Variants in CATSPERT observed in about 807,000 individuals in gnomAD.
The protein encoded by CATSPERT is catsper channel auxiliary subunit tau, also known as cation channel sperm-associated targeting subunit tau.
At chr2:201,574,120 C>T in the CATSPERT span, 5 of 910,350 alleles carry the variant, frequency 5.5e-6, no homozygotes, top group Non-Finnish European at 7.9e-6. Context: ...TTATTTTAAA[C>T]AATTGTTCAA....
the CATSPERT span, among the ~76,000 whole-genome samples, chr2:201,567,675 G>T: frequency 6.6e-6 from 1 of 152,234 alleles, no homozygotes; most frequent in Non-Finnish European, 1.5e-5. Flanking sequence ...TCTTACCCCA[G>T]GGTGAGTCAA....
chr2:201,565,705 A>ACTT, the CATSPERT span: 1 of 1,344,888 alleles, frequency 7.4e-7, no homozygotes. Context: ...GCTCTTTTGA[A>ACTT]TTTTTTTTTT....
the CATSPERT span, chr2:201,565,726 T>TTTC: frequency 6.7e-7 from 1 of 1,491,426 alleles, no homozygotes. Context: ...TTTTTTTTTT[T>TTTC]ACCTTTCCCG....
At chr2:201,565,705 A>AATTT in the CATSPERT span, 1 of 1,344,888 alleles carries the variant, frequency 7.4e-7, no homozygotes, top group Non-Finnish European at 9.7e-7. Context: ...GCTCTTTTGA[A>AATTT]TTTTTTTTTT....
the CATSPERT span, among the ~76,000 whole-genome samples, chr2:201,508,528 G>A: frequency 6.6e-6 from 1 of 152,146 alleles, no homozygotes; most frequent in Non-Finnish European, 1.5e-5. Context: ...CAGTTCAATA[G>A]TGTTAAGTAT....
chr2:201,511,865 A>AC, the CATSPERT span: 9 of 147,128 alleles, frequency 6.1e-5, no homozygotes, highest in Admixed American at 6.8e-5. Context: ...AAAAAAAAAA[A>AC]AAAAAAAACT....
At chr2:201,574,285 T>A in the CATSPERT span, 5 of 1,593,662 alleles carry the variant, frequency 3.1e-6, no homozygotes, top group Non-Finnish European at 4.3e-6. Flanking sequence ...AAACTAAACA[T>A]GTGATAAATT....
chr2:201,530,995 C>G, the CATSPERT span, among the ~76,000 whole-genome samples: 2 of 113,370 alleles, frequency 1.8e-5, no homozygotes, highest in Non-Finnish European at 3.4e-5. Flanking sequence ...GAGTCTCACT[C>G]TGTTGCCCAG....
chr2:201,611,092 A>C, the CATSPERT span, among the ~76,000 whole-genome samples: 7 of 152,176 alleles, frequency 4.6e-5, no homozygotes, highest in Non-Finnish European at 8.8e-5. Context: ...TCACCACTGT[A>C]CTGAAAGTCC....
At chr2:201,602,179 T>C in the CATSPERT span, among the ~76,000 whole-genome samples, 1 of 152,116 alleles carries the variant, frequency 6.6e-6, no homozygotes, top group Non-Finnish European at 1.5e-5. Context: ...GTATATGCAA[T>C]ATATAGTTGA....
chr2:201,530,969 T>C, the CATSPERT span, among the ~76,000 whole-genome samples: 1 of 137,222 alleles, frequency 7.3e-6, no homozygotes, highest in African/African-American at 2.6e-5. Context: ...GGGTTTTTTT[T>C]TTTTTTTTTG....
the CATSPERT span, among the ~76,000 whole-genome samples, chr2:201,581,510 ATATATATATAT>A: frequency 1.6e-3 from 154 of 97,592 alleles, 13 homozygotes; most frequent in Admixed American, 0.011. Flanking sequence ...ATATATATAT[ATATATATATAT>A]ATAAAATATT....
the CATSPERT span, among the ~76,000 whole-genome samples, chr2:201,509,444 T>A: frequency 2.6e-5 from 4 of 151,022 alleles, no homozygotes; most frequent in Admixed American, 2.6e-4. Flanking sequence ...TTTACTCTAT[T>A]GTTTCCTTGA....
the CATSPERT span, among the ~76,000 whole-genome samples, chr2:201,510,726 A>C: frequency 6.6e-6 from 1 of 152,214 alleles, no homozygotes; most frequent in Non-Finnish European, 1.5e-5. Flanking sequence ...TCATAGATAG[A>C]TTAAATAGTT....
chr2:201,571,298 C>T, the CATSPERT span, among the ~76,000 whole-genome samples: 1 of 152,122 alleles, frequency 6.6e-6, no homozygotes. Flanking sequence ...GCACAATTTC[C>T]CGTTCAACAC....
the CATSPERT span, among the ~76,000 whole-genome samples, chr2:201,538,532 T>G: frequency 6.6e-6 from 1 of 152,122 alleles, no homozygotes; most frequent in Non-Finnish European, 1.5e-5. Context: ...TTTTGATAAT[T>G]CTCAAAATAT....
chr2:201,493,041 T>A, the CATSPERT span: 1 of 1,536,574 alleles, frequency 6.5e-7, no homozygotes, highest in Non-Finnish European at 8.7e-7. Context: ...TAAAAGAAGG[T>A]TGAATTAGTC....
chr2:201,535,436 A>G, the CATSPERT span: 4 of 966,864 alleles, frequency 4.1e-6, no homozygotes, highest in African/African-American at 7.0e-5. Context: ...TTAAATTCAC[A>G]CTCTTATTCT....
chr2:201,494,024 C>T, the CATSPERT span: 6 of 1,535,978 alleles, frequency 3.9e-6, no homozygotes, highest in Non-Finnish European at 5.2e-6. Context: ...AAAAGTGAAT[C>T]TGCAGGAATA....
Sources: allele counts gnomAD v4.1 joint callset (sites outside exome capture counted in the v4.1 genomes callset), GRCh38; gene constraint gnomAD v4.1.1; transcripts MANE v1.5; gene names NCBI Gene and HGNC (gene_info 2026-07-23, HGNC 2026-07-21).